Variants in RABIF observed in about 807,000 individuals in gnomAD.
RABIF encodes the protein RAB interacting factor, also known as guanine nucleotide exchange factor MSS4.
Under a neutral mutation model 12.3 loss-of-function variants are expected in RABIF, and 13 were observed. The ratio of observed to expected loss-of-function variants is 1.06; its 90% CI spans 0.69 to 1.68. The LOEUF is 1.68. Among genes scored for constraint, RABIF ranks in the 40% most tolerant of loss-of-function variants. The probability of loss-of-function intolerance (pLI) is 0.00; values close to 1 mark genes in which losing one functional copy is unlikely to be tolerated. For missense variants in RABIF, 153 were observed against 158.0 expected (o/e 0.97, Z 0.17); for synonymous variants, 70 against 63.3 (o/e 1.11, Z -0.50).
At position 202,889,003 on chromosome 1, in the gene RABIF, C is replaced by A. The variant is rs1279992541; in HGVS notation, c.96G>T (p.Gln32His). The A allele has an allele frequency of 1.3e-6, 2 of 1,591,398 alleles. No individual in the cohort carries two copies. Among genetic ancestry groups the A allele is most frequent in the South Asian group, 2.3e-5 (2 of 88,074 alleles). ...LCQRCGSRVL[Q>H]PGTALFSRRQ... ...GGCGAGAGAAGAGAGCGGTCCCTGG[C>A]TGCAGCACCCGGGAGCCGCAACGCT... Residue 32 changes from glutamine to histidine, a missense_variant, in exon 1 of 2, where the codon CAG becomes CAT. Physicochemically the swap from Gln to His is conservative, Grantham distance 24. Transcript: ENST00000367262.
At chr1:202,886,694 G>T (rs1395647991) in intron 1 of RABIF, among the ~76,000 whole-genome samples, 4 of 152,068 alleles carry the variant, frequency 2.6e-5, no homozygotes, top group African/African-American at 9.7e-5. Context: ...CCCAGGAGTT[G>T]GAGACCAGCC....
In RABIF at chr1:202,888,913, A is replaced by G; in HGVS notation, c.126+60T>C. The G allele has an allele frequency of 4.8e-6, 7 of 1,460,532 alleles. No individual in the cohort carries two copies. In the South Asian group the frequency reaches 9.6e-5, roughly 20 times the overall value. 90.5% of individuals were successfully genotyped at this position (1,460,532 alleles called of 1,614,324 possible). A position where few individuals can be genotyped will look rare whatever the true frequency, so the allele number is the denominator to read the frequency against. On this transcript the variant is annotated intron_variant, in intron 1 of 1. Transcript: ENST00000367262. ...TTGAAGAGCCGGGGTTCAGATTCTG[A>G]CTGCGGCGGCTCGTCGGGGGAGACT...
At chr1:202,887,674 T>C (rs1659584513) in intron 1 of RABIF, among the ~76,000 whole-genome samples, 1 of 148,760 alleles carries the variant, frequency 6.7e-6, no homozygotes, top group Admixed American at 6.7e-5. Flanking sequence ...ATTTTTGTAT[T>C]TTTTTTTTTA....
intron 1 of RABIF, among the ~76,000 whole-genome samples, chr1:202,883,545 C>A (rs982543064): frequency 2.0e-5 from 3 of 152,202 alleles, no homozygotes; most frequent in Admixed American, 6.5e-5. Context: ...GGTGTGAAAT[C>A]TCACATATCT....
chr1:202,885,086 CAAAAAAAAAAAAA>C (rs113531957), intron 1 of RABIF, among the ~76,000 whole-genome samples: 1 of 120,604 alleles, frequency 8.3e-6, no homozygotes, highest in Admixed American at 8.3e-5. Flanking sequence ...GACTCTATCT[CAAAAAAAAAAAAA>C]AAAAAAAAAA....
intron 1 of RABIF, among the ~76,000 whole-genome samples, chr1:202,885,086 C>CAAAAAA (rs113531957): frequency 5.7e-4 from 69 of 120,590 alleles, no homozygotes; most frequent in African/African-American, 1.4e-3. Flanking sequence ...GACTCTATCT[C>CAAAAAA]AAAAAAAAAA....
intron 1 of RABIF, 27 bp from the exon 2 acceptor site, chr1:202,881,250 G>T: frequency 6.3e-7 from 1 of 1,597,634 alleles, no homozygotes; most frequent in South Asian, 1.1e-5. Flanking sequence ...CATAAAGAAC[G>T]CAGAAGTTGA....
At chr1:202,881,512 C>T (rs954237928) in intron 1 of RABIF, among the ~76,000 whole-genome samples, 12 of 152,180 alleles carry the variant, frequency 7.9e-5, no homozygotes, top group Non-Finnish European at 1.3e-4. Context: ...CGCCATTCTC[C>T]TGCCTCAGCC....
chr1:202,888,586 C>T (rs1659599224), intron 1 of RABIF, among the ~76,000 whole-genome samples: 1 of 152,218 alleles, frequency 6.6e-6, no homozygotes, highest in Non-Finnish European at 1.5e-5. Context: ...AGGCACCTGC[C>T]GGGTCCTGCA....
Position 202,885,086 on chromosome 1 carries a change from CAAAAAAAAAAAAAAAA to C in RABIF, c.126+3871_127-3864del, listed in dbSNP as rs113531957. Among the ~76,000 whole-genome samples, 5 of 120,660 alleles carry C rather than the reference CAAAAAAAAAAAAAAAA, an allele frequency of 4.1e-5. No homozygotes were observed. The East Asian group carries it at 9.8e-4, about 24-fold the overall frequency. 79.2% of individuals were successfully genotyped at this position (120,660 alleles called of 152,430 possible). A position where few individuals can be genotyped will look rare whatever the true frequency, so the allele number is the denominator to read the frequency against. On this transcript the variant is annotated intron_variant, in intron 1 of 1. Coordinates refer to ENST00000367262, the MANE Select transcript of RABIF (RefSeq NM_002871.5). Reference sequence around the variant, plus strand: ...TGGGCAACAGAGTGAGACTCTATCTCAAAAAAAAAAAAAAAAAAAAAAAAAAAGAAAAGAAAGAAAA... The same window carrying C: ...TGGGCAACAGAGTGAGACTCTATCTCAAAAAAAAAAAGAAAAGAAAGAAAA...
intron 1 of RABIF, among the ~76,000 whole-genome samples, chr1:202,887,434 A>C (rs1334279545): frequency 1.3e-5 from 2 of 151,978 alleles, no homozygotes; most frequent in Non-Finnish European, 2.9e-5. Context: ...GGCCCAGGGA[A>C]GCCAAAAGAC....
chr1:202,886,561 G>A (rs529632315), intron 1 of RABIF, among the ~76,000 whole-genome samples: 6 of 151,846 alleles, frequency 4.0e-5, no homozygotes, highest in Non-Finnish European at 7.4e-5. Flanking sequence ...CTCCAGCCTC[G>A]GCGACAGAGG....
chr1:202,888,221 C>A (rs1659591305), intron 1 of RABIF, among the ~76,000 whole-genome samples: 1 of 151,890 alleles, frequency 6.6e-6, no homozygotes, highest in Non-Finnish European at 1.5e-5. Context: ...CACAGTTTAC[C>A]GAAATAAATT....
chr1:202,886,939 G>T (rs1480075859), intron 1 of RABIF, among the ~76,000 whole-genome samples: 2 of 151,212 alleles, frequency 1.3e-5, no homozygotes, highest in African/African-American at 4.9e-5. Flanking sequence ...TCACCATGTC[G>T]GCCAGGCAGT....
At chr1:202,888,860 C>T in intron 1 of RABIF, 113 bp downstream of exon 1, 1 of 1,396,214 alleles carries the variant, frequency 7.2e-7, no homozygotes, top group Non-Finnish European at 9.4e-7. Context: ...GGCTTAAGGC[C>T]GCGCGAGGAG....
intron 1 of RABIF, among the ~76,000 whole-genome samples, chr1:202,881,527 G>T (rs533896829): frequency 6.6e-6 from 1 of 151,842 alleles, no homozygotes; most frequent in Non-Finnish European, 1.5e-5. Context: ...TCAGCCTCCC[G>T]AGTAGCTGGG....
intron 1 of RABIF, among the ~76,000 whole-genome samples, chr1:202,885,308 C>G (rs1300290733): frequency 1.3e-5 from 2 of 152,158 alleles, no homozygotes; most frequent in African/African-American, 4.8e-5. Flanking sequence ...GATACAGTAA[C>G]TCCTAGGCCC....
At chr1:202,886,289 A>T (rs1360405426) in intron 1 of RABIF, among the ~76,000 whole-genome samples, 2 of 42,830 alleles carry the variant, frequency 4.7e-5, no homozygotes, top group African/African-American at 1.9e-4. Flanking sequence ...AAAGCGGGGG[A>T]AGGGAGGGGA....
intron 1 of RABIF, among the ~76,000 whole-genome samples, chr1:202,888,710 G>A (rs963380556): frequency 6.6e-6 from 1 of 152,164 alleles, no homozygotes; most frequent in African/African-American, 2.4e-5. Flanking sequence ...CCCCCCGGGG[G>A]CAGAGGGCCG....
Sources: gnomAD v4.1 joint callset for allele counts (sites outside exome capture counted in the v4.1 genomes callset) on GRCh38, gnomAD v4.1.1 for gene constraint, MANE v1.5 for transcripts, NCBI Gene and HGNC (gene_info 2026-07-23, HGNC 2026-07-21) for gene names.